Variants in DNAAF19 observed in about 807,000 individuals in gnomAD.
DNAAF19 encodes coiled-coil domain containing 103.
the DNAAF19 span, chr17:44,905,356 A>C: frequency 2.3e-6 from 1 of 441,308 alleles, no homozygotes; most frequent in Admixed American, 4.1e-5. Flanking sequence ...ACTCAGATTT[A>C]TCCAGTGGTA....
chr17:44,902,549 A>C, the DNAAF19 span: 2,943 of 1,614,228 alleles, frequency 1.8e-3, 1 homozygote, highest in South Asian at 3.0e-3. Context: ...CTGGCTGATC[A>C]CGTGGGGCCG....
the DNAAF19 span, chr17:44,902,482 G>A: frequency 1.2e-6 from 2 of 1,614,232 alleles, no homozygotes; most frequent in Non-Finnish European, 1.7e-6. Context: ...TCCAAGGCTC[G>A]GCTGCCTCTT....
chr17:44,901,710 C>T, the DNAAF19 span: 6 of 1,574,160 alleles, frequency 3.8e-6, no homozygotes, highest in African/African-American at 2.7e-5. Context: ...AGCTTCAATC[C>T]TGTTTTTTCA....
chr17:44,904,747 C>T, the DNAAF19 span: 2 of 1,550,606 alleles, frequency 1.3e-6, no homozygotes, highest in East Asian at 2.4e-5. Context: ...ACCGCCAGCA[C>T]CTCTACCGCA....
chr17:44,902,281 G>A, the DNAAF19 span: 2 of 1,551,716 alleles, frequency 1.3e-6, no homozygotes, highest in Admixed American at 1.7e-5. Flanking sequence ...ACAGTAAGAT[G>A]AAGAGCTACA....
the DNAAF19 span, chr17:44,904,948 G>T: frequency 6.4e-7 from 1 of 1,550,700 alleles, no homozygotes; most frequent in South Asian, 1.2e-5. Context: ...CAGATCCTGA[G>T]ACTCGCTCGG....
the DNAAF19 span, among the ~76,000 whole-genome samples, chr17:44,900,572 G>A: frequency 2.0e-5 from 3 of 152,080 alleles, no homozygotes; most frequent in Non-Finnish European, 4.4e-5. Flanking sequence ...CGAGCTCAAG[G>A]GTAACTAACA....
the DNAAF19 span, among the ~76,000 whole-genome samples, chr17:44,900,484 G>A: frequency 4.8e-4 from 73 of 151,952 alleles, no homozygotes; most frequent in African/African-American, 1.5e-3. Flanking sequence ...TTGATTTCCT[G>A]CTCAGTCATT....
chr17:44,902,632 C>T, the DNAAF19 span: 2 of 1,614,220 alleles, frequency 1.2e-6, no homozygotes, highest in Non-Finnish European at 8.5e-7. Context: ...GAACCTAAGC[C>T]TGCTGAGCCG....
the DNAAF19 span, chr17:44,903,051 G>A: frequency 1.6e-5 from 22 of 1,387,582 alleles, no homozygotes; most frequent in Admixed American, 6.1e-5. Flanking sequence ...AGTTGAGAGC[G>A]GTTTTGTTTC....
the DNAAF19 span, chr17:44,902,723 G>T: frequency 1.2e-6 from 2 of 1,612,722 alleles, no homozygotes; most frequent in Non-Finnish European, 8.5e-7. Context: ...GAGGGGCTCA[G>T]CTGGGAGGAG....
the DNAAF19 span, chr17:44,903,122 A>G: frequency 7.8e-7 from 1 of 1,285,408 alleles, no homozygotes; most frequent in Admixed American, 3.6e-5. Context: ...TGTGTGCCCA[A>G]CCAAATGCTG....
At chr17:44,901,289 T>C in the DNAAF19 span, 1 of 1,056,986 alleles carries the variant, frequency 9.5e-7, no homozygotes, top group Non-Finnish European at 1.4e-6. Flanking sequence ...TGAGTCTCAA[T>C]TATTTATCTG....
At chr17:44,900,935 C>T in the DNAAF19 span, 2 of 1,482,386 alleles carry the variant, frequency 1.3e-6, no homozygotes, top group Non-Finnish European at 1.8e-6. Context: ...TCAGAGGTAC[C>T]CTCTTTCCCC....
the DNAAF19 span, chr17:44,902,689 A>G: frequency 6.2e-7 from 1 of 1,614,150 alleles, no homozygotes; most frequent in Non-Finnish European, 8.5e-7. Flanking sequence ...GCTGCAAGCC[A>G]TGGGCAACCC....
chr17:44,904,316 T>C, the DNAAF19 span: 2 of 1,545,206 alleles, frequency 1.3e-6, no homozygotes, highest in East Asian at 2.4e-5. Flanking sequence ...AGATGAATAC[T>C]ATGGGCACCT....
At chr17:44,903,026 G>T in the DNAAF19 span, 3 of 1,406,878 alleles carry the variant, frequency 2.1e-6, no homozygotes, top group South Asian at 3.3e-5. Flanking sequence ...TCCATGGACA[G>T]TCAAGAGCTC....
chr17:44,903,184 T>A, the DNAAF19 span: 1 of 1,270,604 alleles, frequency 7.9e-7, no homozygotes, highest in Non-Finnish European at 9.9e-7. Context: ...AAAATCTTTA[T>A]GGTAAACAAA....
the DNAAF19 span, chr17:44,902,185 C>T: frequency 2.6e-6 from 2 of 779,616 alleles, no homozygotes; most frequent in African/African-American, 1.7e-5. Flanking sequence ...TGGGGCCCTC[C>T]CTGTTTCATC....
Sources: gnomAD v4.1 joint callset for allele counts (sites outside exome capture counted in the v4.1 genomes callset) on GRCh38, gnomAD v4.1.1 for gene constraint, MANE v1.5 for transcripts, NCBI Gene and HGNC (gene_info 2026-07-23, HGNC 2026-07-21) for gene names.